The following CNTNAP4 variants were observed in gnomAD, a reference collection of about 807,000 sequenced individuals.
The protein encoded by CNTNAP4 is contactin-associated protein-like 4.
Under a neutral mutation model 148.4 loss-of-function variants are expected in CNTNAP4, and 98 were observed. The observed-to-expected ratio is 0.66, with a 90% CI of 0.56 to 0.78. CNTNAP4 has a LOEUF of 0.78. CNTNAP4 is among the 30% of genes least tolerant of loss of function. CNTNAP4 has a pLI of 0.00. For synonymous variants in CNTNAP4, 730 were observed against 565.1 expected (o/e 1.29, Z -4.14); for missense variants, 1,935 against 1,565.6 (o/e 1.24, Z -3.98).
chr16:76,285,758 C>T (rs773427236), intron 1 of CNTNAP4, among the ~76,000 whole-genome samples: 82 of 151,948 alleles, frequency 5.4e-4, no homozygotes, highest in Non-Finnish European at 9.0e-4. Flanking sequence ...TTATGACCTA[C>T]GGAAGTATTT....
chr16:76,553,762 ATT>A (rs1555605300), intron 22 of CNTNAP4, 72 bp from the exon 23 acceptor site: 7 of 951,232 alleles, frequency 7.4e-6, no homozygotes, highest in Non-Finnish European at 1.1e-5. Flanking sequence ...GGTTTAAAAC[ATT>A]TATGATGTTT....
At chr16:76,368,683 G>A (rs2014440515) in intron 3 of CNTNAP4, among the ~76,000 whole-genome samples, 1 of 152,064 alleles carries the variant, frequency 6.6e-6, no homozygotes, top group Non-Finnish European at 1.5e-5. Flanking sequence ...GGGGTAAGGG[G>A]CAAGGGGAGG....
chr16:76,494,811 T>A, intron 13 of CNTNAP4, 99 bp from the exon 14 acceptor site: 1 of 1,253,234 alleles, frequency 8.0e-7, no homozygotes, highest in Non-Finnish European at 1.1e-6. Flanking sequence ...CTTTTCTCCT[T>A]TTATTCTTTT....
intron 1 of CNTNAP4, among the ~76,000 whole-genome samples, chr16:76,312,558 G>A (rs1420918610): frequency 6.6e-6 from 1 of 152,072 alleles, no homozygotes; most frequent in Non-Finnish European, 1.5e-5. Flanking sequence ...CAAGACTGTT[G>A]AAGATCAAAT....
chr16:76,324,037 C>T (rs1253078149), intron 2 of CNTNAP4, among the ~76,000 whole-genome samples: 2 of 152,176 alleles, frequency 1.3e-5, no homozygotes, highest in African/African-American at 4.8e-5. Context: ...CTGTTTCTAA[C>T]TCTTAGAAAT....
chr16:76,462,955 A>G (rs2081038937), intron 9 of CNTNAP4, among the ~76,000 whole-genome samples: 1 of 152,210 alleles, frequency 6.6e-6, no homozygotes. Context: ...AATAAAATAC[A>G]AATTATTTTC....
chr16:76,460,773 A>AAAAAAAATATATATATAT, intron 8 of CNTNAP4, among the ~76,000 whole-genome samples: 1 of 57,324 alleles, frequency 1.7e-5, no homozygotes, highest in African/African-American at 6.4e-5. Flanking sequence ...AAAAAAAAAA[A>AAAAAAAATATATATATAT]ATATATATAT....
chr16:76,421,578 A>G (rs1164849292), intron 3 of CNTNAP4, among the ~76,000 whole-genome samples: 1 of 152,126 alleles, frequency 6.6e-6, no homozygotes, highest in East Asian at 1.9e-4. Flanking sequence ...TCTAGACTAG[A>G]TAACCTTTTG....
intron 2 of CNTNAP4, among the ~76,000 whole-genome samples, chr16:76,351,089 T>C (rs1410456393): frequency 6.6e-6 from 1 of 152,198 alleles, no homozygotes; most frequent in Admixed American, 6.5e-5. Context: ...CTTAGGATAT[T>C]GAATATATTG....
intron 21 of CNTNAP4, 147 bp downstream of exon 21, chr16:76,540,937 CAG>C (rs1343236689): frequency 3.6e-6 from 2 of 559,032 alleles, no homozygotes; most frequent in East Asian, 6.8e-5. Flanking sequence ...ATAATCAAGA[CAG>C]AGGCATATGC....
chr16:76,347,671 C>A (rs1597272952), intron 2 of CNTNAP4, among the ~76,000 whole-genome samples: 3 of 152,136 alleles, frequency 2.0e-5, no homozygotes, highest in African/African-American at 7.2e-5. Flanking sequence ...AGGTATTAGC[C>A]CAGAGTATCT....
chr16:76,548,345 A>T (rs1185727507), intron 21 of CNTNAP4, among the ~76,000 whole-genome samples: 1 of 130,866 alleles, frequency 7.6e-6, no homozygotes, highest in East Asian at 2.3e-4. Context: ...TGGATTCCAG[A>T]CATTGAGATC....
intron 2 of CNTNAP4, among the ~76,000 whole-genome samples, chr16:76,353,686 C>A: frequency 6.6e-6 from 1 of 152,110 alleles, no homozygotes; most frequent in East Asian, 1.9e-4. Flanking sequence ...CTGCCTCCTA[C>A]AGCTCCAGTT....
chr16:76,321,650 G>A (rs979189813), intron 2 of CNTNAP4, among the ~76,000 whole-genome samples: 1 of 151,592 alleles, frequency 6.6e-6, no homozygotes, highest in Non-Finnish European at 1.5e-5. Flanking sequence ...TTAGCCGGGC[G>A]TGGTGGCGGG....
Position 76,500,401 on chromosome 16 carries a change from C to T in CNTNAP4, c.2365+1707C>T, listed in dbSNP as rs1416765164. ...GTTCTAAGAGAAAGAAACCACTGGG[C>T]ATCTCAACTTGATTAGTTCATGAGT... On this transcript the variant is annotated intron_variant, in intron 15 of 23. Coordinates refer to ENST00000611870, the MANE Select transcript of CNTNAP4 (RefSeq NM_033401.5). Among the ~76,000 whole-genome samples the T allele has an allele frequency of 2.6e-5, 4 of 152,374 alleles. No individual in the cohort carries two copies. In the East Asian group the frequency reaches 7.7e-4, roughly 29 times the overall value.
At position 76,315,071 on chromosome 16, in the gene CNTNAP4, T is replaced by G. The variant is rs1318328686; in HGVS notation, c.86-1342T>G. 4.7e-5 allele frequency among the ~76,000 whole-genome samples: 7 copies of G among 149,116 alleles called. No homozygotes were observed. In the East Asian group the frequency reaches 1.3e-3, roughly 29 times the overall value. On this transcript the variant is annotated intron_variant, in intron 1 of 23. Transcript: ENST00000611870. ...TCGCTTCTAAGATTCAACTATTTTG[T>G]TTTGTGTTGTTGTTGTTTCTTTTAC...
At chr16:76,413,455 T>C (rs2078869129) in intron 3 of CNTNAP4, among the ~76,000 whole-genome samples, 1 of 151,528 alleles carries the variant, frequency 6.6e-6, no homozygotes, top group South Asian at 2.1e-4. Context: ...TCTCCATACA[T>C]GCTGAATCTG....
intron 2 of CNTNAP4, among the ~76,000 whole-genome samples, chr16:76,344,023 A>C (rs572688808): frequency 6.6e-6 from 1 of 152,208 alleles, no homozygotes; most frequent in Non-Finnish European, 1.5e-5. Flanking sequence ...AGGGTCTGCA[A>C]TTGAAAGCAT....
chr16:76,426,210 A>G (rs2079395385), intron 3 of CNTNAP4, among the ~76,000 whole-genome samples: 1 of 152,168 alleles, frequency 6.6e-6, no homozygotes, highest in Non-Finnish European at 1.5e-5. Flanking sequence ...CCAATCTTTT[A>G]AAAATGTACT....
Sources: allele counts gnomAD v4.1 joint callset (sites outside exome capture counted in the v4.1 genomes callset), GRCh38; gene constraint gnomAD v4.1.1; transcripts MANE v1.5; gene names NCBI Gene and HGNC (gene_info 2026-07-23, HGNC 2026-07-21).